Variants in ABHD17B observed in about 807,000 individuals in gnomAD.
The protein encoded by ABHD17B is alpha/beta hydrolase domain-containing protein 17B.
A neutral mutation model predicts 26.2 loss-of-function variants in ABHD17B; 9 were observed. The ratio of observed to expected loss-of-function variants is 0.34; its 90% CI spans 0.21 to 0.60. The LOEUF is 0.60. Ranked by LOEUF, ABHD17B falls within the 20% of genes least tolerant of loss-of-function variation. The pLI, the probability that ABHD17B is intolerant of heterozygous loss-of-function variation, is 0.80. For missense variants in ABHD17B, 224 were observed against 352.1 expected, an observed-to-expected ratio of 0.64 and a Z score of 2.91; for synonymous variants, 127 against 122.3, an observed-to-expected ratio of 1.04 and a Z score of -0.25.
chr9:71,872,608 C>G (rs2132132816), intron 2 of ABHD17B, among the ~76,000 whole-genome samples: 1 of 152,172 alleles, frequency 6.6e-6, no homozygotes, highest in Middle Eastern at 3.4e-3. Context: ...CTTCATTATT[C>G]CACTGAAGTT....
chr9:71,909,287 T>G (rs1315476465), intron 1 of ABHD17B, among the ~76,000 whole-genome samples: 1 of 152,216 alleles, frequency 6.6e-6, no homozygotes, highest in Non-Finnish European at 1.5e-5. Flanking sequence ...CCTTCTGGAT[T>G]TCAAATGATA....
chr9:71,902,441 GT>G (rs998034515), intron 1 of ABHD17B: 4 of 88,060 alleles, frequency 4.5e-5, no homozygotes, highest in Non-Finnish European at 6.5e-5. Context: ...CACCCTTTTA[GT>G]TTTTTTATTT....
At chr9:71,897,694 CTT>C (rs745508528) in intron 1 of ABHD17B, among the ~76,000 whole-genome samples, 22 of 152,152 alleles carry the variant, frequency 1.4e-4, no homozygotes, top group Admixed American at 6.6e-4. Context: ...ATGTAATACT[CTT>C]TAACTCTCTT....
At chr9:71,902,866 T>TA (rs1189589264) in intron 1 of ABHD17B, among the ~76,000 whole-genome samples, 1 of 152,142 alleles carries the variant, frequency 6.6e-6, no homozygotes, top group Non-Finnish European at 1.5e-5. Context: ...AAAACAAACT[T>TA]AAAAAAACAT....
At chr9:71,905,146 G>A (rs1362724441) in intron 1 of ABHD17B, among the ~76,000 whole-genome samples, 1 of 150,842 alleles carries the variant, frequency 6.6e-6, no homozygotes, top group Admixed American at 6.6e-5. Flanking sequence ...TTTTTGAGAC[G>A]GAGTCTCATT....
chr9:71,897,847 A>C (rs890101341), intron 1 of ABHD17B, among the ~76,000 whole-genome samples: 7 of 152,188 alleles, frequency 4.6e-5, no homozygotes, highest in Non-Finnish European at 8.8e-5. Flanking sequence ...AATCATATGC[A>C]TCTGTAAGTA....
At chr9:71,864,436 G>T (rs1825901829), downstream of ABHD17B, among the ~76,000 whole-genome samples, 1 of 151,688 alleles carries the variant, frequency 6.6e-6, no homozygotes, top group South Asian at 2.1e-4. Context: ...AGCCAGGATG[G>T]TCTCGATCTC....
intron 1 of ABHD17B, among the ~76,000 whole-genome samples, chr9:71,889,444 T>C (rs1018303505): frequency 6.6e-6 from 1 of 152,182 alleles, no homozygotes; most frequent in African/African-American, 2.4e-5. Context: ...CTCCAACTCA[T>C]AAGAGTAGAG....
intron 2 of ABHD17B, among the ~76,000 whole-genome samples, chr9:71,871,830 C>T (rs1006727824): frequency 6.6e-6 from 1 of 152,120 alleles, no homozygotes; most frequent in East Asian, 1.9e-4. Context: ...CTCTGAAGCA[C>T]ACAGATGAGG....
chr9:71,876,675 G>A (rs547868964), intron 1 of ABHD17B, among the ~76,000 whole-genome samples: 2 of 150,702 alleles, frequency 1.3e-5, no homozygotes, highest in East Asian at 3.9e-4. Flanking sequence ...AAAATGGGAA[G>A]AAAACAACTC....
At position 71,866,085 on chromosome 9, in the gene ABHD17B, C is replaced by T; in HGVS notation, c.*702G>A. Reference sequence around the variant, plus strand: ...GCATGAAAATTTTAAGTACTTGCCTCACAGTACCAAACTTAGAAGTCAAAA... The same window carrying T: ...GCATGAAAATTTTAAGTACTTGCCTTACAGTACCAAACTTAGAAGTCAAAA... On this transcript the variant is annotated 3_prime_UTR_variant, in exon 4 of 4. Transcript: ENST00000333421. 6 of 985,488 alleles carry T rather than the reference C, an allele frequency of 6.1e-6. No homozygotes were observed. Among genetic ancestry groups the T allele is most frequent in the Non-Finnish European group, 7.2e-6 (6 of 829,820 alleles). 61.0% of individuals were successfully genotyped at this position (985,488 alleles called of 1,614,324 possible).
At chr9:71,893,645 A>G (rs772172652) in intron 1 of ABHD17B, among the ~76,000 whole-genome samples, 9 of 152,204 alleles carry the variant, frequency 5.9e-5, no homozygotes, top group Non-Finnish European at 1.2e-4. Flanking sequence ...TGTTGGTATC[A>G]ACTTAACCTT....
In ABHD17B at chr9:71,867,012, G is replaced by A. The variant is rs746792403; in HGVS notation, c.648-6C>T. ...TCTTAGAGATTTTGTCAATGCTGCA[G>A]GGAAAAAGGAAGGGGGAAAAATGCA... On this transcript the variant is annotated splice_region_variant and splice_polypyrimidine_tract_variant and intron_variant, in intron 3 of 3. Transcript: ENST00000333421. 12 of 1,613,130 alleles carry A rather than the reference G, an allele frequency of 7.4e-6. No individual in the cohort carries two copies. The highest frequency in any genetic ancestry group is 1.6e-4 in the Middle Eastern group (1 of 6,084).
chr9:71,908,739 A>G (rs1827359020), intron 1 of ABHD17B, among the ~76,000 whole-genome samples: 1 of 152,202 alleles, frequency 6.6e-6, no homozygotes, highest in African/African-American at 2.4e-5. Context: ...GAAATTCATA[A>G]TATCAAAACA....
Position 71,874,684 on chromosome 9 carries a change from T to C in ABHD17B, c.397A>G (p.Ser133Gly). Reference protein sequence around the residue: ...FSYDYSGYGASSGKPTEKNLY... With the variant: ...FSYDYSGYGAGSGKPTEKNLY... ...TTCTTCTCTGTGGGTTTCCCGGAAC[T>C]GGCACCATATCCAGAATAATCATAT... The change falls in exon 2 of 4, where the codon AGT becomes GGT. Residue 133 changes from serine (S) to glycine (G), a missense_variant. Physicochemically the swap from Ser to Gly is moderately conservative, Grantham distance 56 (BLOSUM62 0). Transcript: ENST00000333421. 1 of 1,613,972 alleles carries C rather than the reference T, an allele frequency of 6.2e-7. No homozygotes were observed. The highest frequency in any genetic ancestry group is 8.5e-7 in the Non-Finnish European group (1 of 1,179,904).
intron 1 of ABHD17B, among the ~76,000 whole-genome samples, chr9:71,882,762 A>G (rs545974374): frequency 6.6e-6 from 1 of 152,248 alleles, no homozygotes; most frequent in East Asian, 1.9e-4. Flanking sequence ...TAACTAAAGG[A>G]TAACAGGTTT....
At chr9:71,876,015 G>C (rs1156976638) in intron 1 of ABHD17B, among the ~76,000 whole-genome samples, 1 of 152,162 alleles carries the variant, frequency 6.6e-6, no homozygotes, top group South Asian at 2.1e-4. Context: ...ACGCTCAGAA[G>C]ACTATCACTT....
chr9:71,905,811 T>C (rs1006295538), intron 1 of ABHD17B, among the ~76,000 whole-genome samples: 74 of 152,184 alleles, frequency 4.9e-4, no homozygotes, highest in Middle Eastern at 3.4e-3. Context: ...TGCAGCGCCA[T>C]GGTAGGCAGA....
At chr9:71,901,795 CAATG>C (rs1827150863) in intron 1 of ABHD17B, among the ~76,000 whole-genome samples, 6 of 152,298 alleles carry the variant, frequency 3.9e-5, no homozygotes, top group Admixed American at 3.9e-4. Context: ...AACGACTTTT[CAATG>C]AATGTTATAA....
Sources: gnomAD v4.1 joint callset for allele counts (sites outside exome capture counted in the v4.1 genomes callset) on GRCh38, gnomAD v4.1.1 for gene constraint, MANE v1.5 for transcripts, NCBI Gene and HGNC (gene_info 2026-07-23, HGNC 2026-07-21) for gene names.